GALNT9: variants seen among roughly 807,000 people sequenced by gnomAD.
GALNT9 encodes GalNAc transferase 9.
Under a neutral mutation model 63.1 loss-of-function variants are expected in GALNT9, and 47 were observed. That is an observed-to-expected ratio of 0.75 (90% CI 0.59 to 0.95). The LOEUF is 0.95. GALNT9 is among the 40% of genes least tolerant of loss of function. The probability of loss-of-function intolerance (pLI) is 0.00; values close to 1 mark genes in which losing one functional copy is unlikely to be tolerated. For missense variants in GALNT9, 829 were observed against 874.8 expected (o/e 0.95, Z 0.66); for synonymous variants, 396 against 365.7 (o/e 1.08, Z -0.94).
At chr12:132,271,265 C>A (rs1879854795) in intron 2 of GALNT9, among the ~76,000 whole-genome samples, 1 of 151,570 alleles carries the variant, frequency 6.6e-6, no homozygotes. Context: ...TCACCCGTCA[C>A]TGCCAGGGCT....
intron 5 of GALNT9, among the ~76,000 whole-genome samples, chr12:132,251,415 C>T (rs1555238556): frequency 6.6e-6 from 1 of 152,178 alleles, no homozygotes; most frequent in Non-Finnish European, 1.5e-5. Context: ...TTGGGGGGCT[C>T]CCGGCATCCG....
intron 6 of GALNT9, among the ~76,000 whole-genome samples, chr12:132,240,987 A>G (rs2136900399): frequency 1.1e-4 from 13 of 117,826 alleles, no homozygotes; most frequent in African/African-American, 2.6e-4. Context: ...CACACGCCAC[A>G]CCCCCTTCCC....
At chr12:132,228,284 C>CGGCGTCCCTCTG (rs1877770894) in intron 6 of GALNT9, among the ~76,000 whole-genome samples, 1 of 151,986 alleles carries the variant, frequency 6.6e-6, no homozygotes, top group African/African-American at 2.4e-5. Context: ...CGTCCCTCCC[C>CGGCGTCCCTCTG]AGCGTCCCTC....
Position 132,319,428 on chromosome 12 carries a change from C to T in GALNT9, c.238+9538G>A, listed in dbSNP as rs982387987. Among the ~76,000 whole-genome samples the T allele has an allele frequency of 3.9e-5, 6 of 152,070 alleles. No homozygotes were observed. Among genetic ancestry groups the T allele is most frequent in the Admixed American group, 2.6e-4 (4 of 15,264 alleles). On this transcript the variant is annotated intron_variant, in intron 1 of 10. Transcript: ENST00000328957. This position sits in a 1 kb window ranked among gnomAD's most constrained non-coding sequence, Gnocchi z 5.2. The stretch of plus-strand genomic sequence containing the variant: ...CGGGCCTTTGGAGTAGAAGTTATGC[C>T]GTTTTCCTCAGCGTGACCCTGGCTC...
At position 132,319,728 on chromosome 12, in the gene GALNT9, G is replaced by A. The variant is rs1868692957; in HGVS notation, c.238+9238C>T. ...ACAGCTGTACCCGGCACAACACGCG[G>A]CCACAGGTCACCTCAGGTCGCCTCG... is the stretch of plus-strand genomic sequence containing the variant. On this transcript the variant is annotated intron_variant, in intron 1 of 10. Coordinates refer to ENST00000328957, the MANE Select transcript of GALNT9 (RefSeq NM_001122636.2). This position sits in a 1 kb window ranked among gnomAD's most constrained non-coding sequence, Gnocchi z 5.2. 6.6e-6 allele frequency among the ~76,000 whole-genome samples: 1 copy of A among 152,196 alleles called. No individual in the cohort carries two copies. Among genetic ancestry groups the A allele is most frequent in the Non-Finnish European group, 1.5e-5 (1 of 68,038 alleles).
At chr12:132,269,743 C>A (rs1879797438) in intron 2 of GALNT9, among the ~76,000 whole-genome samples, 2 of 152,224 alleles carry the variant, frequency 1.3e-5, no homozygotes, top group South Asian at 4.1e-4. Context: ...ACGCGTGGGG[C>A]CGGATCCCGG....
chr12:132,324,710 T>C (rs1249001680), intron 1 of GALNT9, among the ~76,000 whole-genome samples: 6 of 152,062 alleles, frequency 3.9e-5, no homozygotes, highest in Non-Finnish European at 8.8e-5. Context: ...AAGTGTTGGG[T>C]GGCCTGGCAT....
In GALNT9 at chr12:132,329,542, G is replaced by C. The variant is rs1593129773; in HGVS notation, c.-339C>G. ...GCGGGCGGCGCTCGGTGTCTGTGCC[G>C]GCTCCTGTCCTGCCCGCCCCGCAGC... On this transcript the variant is annotated 5_prime_UTR_variant, in exon 1 of 11. Coordinates refer to ENST00000328957, the MANE Select transcript of GALNT9 (RefSeq NM_001122636.2). Among the ~76,000 whole-genome samples, 2 of 147,236 alleles carry C rather than the reference G, an allele frequency of 1.4e-5. No individual in the cohort carries two copies. The highest frequency in any genetic ancestry group is 4.2e-4 in the South Asian group (2 of 4,790).
chr12:132,279,413 G>C lies in GALNT9; in HGVS notation c.419+6837C>G, dbSNP rs1209998708. 1 of 152,334 alleles carries C rather than the reference G, an allele frequency of 6.6e-6. No homozygotes were observed. The highest frequency in any genetic ancestry group is 1.5e-5 in the Non-Finnish European group (1 of 68,186). The allele number at this position is 152,334 out of a possible 1,614,324, so 9.4% of individuals were successfully genotyped here. On this transcript the variant is annotated intron_variant, in intron 2 of 10. Coordinates refer to ENST00000328957, the MANE Select transcript of GALNT9 (RefSeq NM_001122636.2). The surrounding 1 kb of genome is among the most constrained non-coding windows in gnomAD (Gnocchi z 4.1). Reference sequence around the variant, plus strand: ...TGGAGCGTGAGGACAGAGCTGGGCCGGTTCCTCCCTGGGATCTCCCCTCCC... The same window carrying C: ...TGGAGCGTGAGGACAGAGCTGGGCCCGTTCCTCCCTGGGATCTCCCCTCCC...
chr12:132,197,656 A>T, intron 10 of GALNT9, 136 bp downstream of exon 10: 1 of 678,170 alleles, frequency 1.5e-6, no homozygotes, highest in Non-Finnish European at 2.5e-6. Context: ...AGCTGATCCA[A>T]GGCCCGGTCC....
At chr12:132,226,830 CCA>C (rs1370443069) in intron 6 of GALNT9, among the ~76,000 whole-genome samples, 1 of 148,900 alleles carries the variant, frequency 6.7e-6, no homozygotes, top group South Asian at 2.2e-4. Context: ...TAAACACACC[CCA>C]CACACACCAT....
intron 1 of GALNT9, among the ~76,000 whole-genome samples, chr12:132,317,849 C>T (rs139933485): frequency 2.4e-4 from 37 of 152,330 alleles, no homozygotes; most frequent in East Asian, 9.6e-4. Context: ...GGAAGATCCA[C>T]GGTCGACCTG....
At chr12:132,308,338 T>C (rs1881689390) in intron 1 of GALNT9, among the ~76,000 whole-genome samples, 1 of 152,222 alleles carries the variant, frequency 6.6e-6, no homozygotes, top group Non-Finnish European at 1.5e-5. Context: ...TGGTGAGCTG[T>C]GACAGCAGCC....
At chr12:132,306,834 C>T (rs782016755) in intron 1 of GALNT9, among the ~76,000 whole-genome samples, 18 of 152,314 alleles carry the variant, frequency 1.2e-4, no homozygotes, top group Middle Eastern at 3.4e-3. Context: ...GCCGCGTGCC[C>T]GTGGTCATTC....
chr12:132,320,697 C>T (rs1868744092), intron 1 of GALNT9, among the ~76,000 whole-genome samples: 3 of 109,480 alleles, frequency 2.7e-5, no homozygotes, highest in Admixed American at 2.7e-4. Flanking sequence ...TTCTCTCCAA[C>T]TCCATGTCCC....
intron 2 of GALNT9, chr12:132,283,195 CAG>C (rs1247271498): frequency 1.3e-5 from 2 of 152,424 alleles, no homozygotes; most frequent in African/African-American, 4.8e-5. Flanking sequence ...GAGGACTCCA[CAG>C]GGGACCGAGG....
intron 2 of GALNT9, among the ~76,000 whole-genome samples, chr12:132,264,770 G>A (rs890316318): frequency 2.0e-5 from 3 of 152,216 alleles, no homozygotes; most frequent in Non-Finnish European, 4.4e-5. Context: ...GCTCCACCGC[G>A]TCATGCTGGA....
chr12:132,316,008 A>G lies in GALNT9; in HGVS notation c.238+12958T>C, dbSNP rs1868491540. On this transcript the variant is annotated intron_variant, in intron 1 of 10. Coordinates refer to ENST00000328957, the MANE Select transcript of GALNT9 (RefSeq NM_001122636.2). The surrounding 1 kb of genome is among the most constrained non-coding windows in gnomAD (Gnocchi z 4.3). Reference sequence around the variant, plus strand: ...GGGGACGCGGGGTCCTGGAGAGGGCACGGCAGGCAGGCAGCCCCCGAAACG... The same window carrying G: ...GGGGACGCGGGGTCCTGGAGAGGGCGCGGCAGGCAGGCAGCCCCCGAAACG... Among the ~76,000 whole-genome samples, 1 of 152,152 alleles carries G rather than the reference A, an allele frequency of 6.6e-6. No homozygotes were observed. Among genetic ancestry groups the G allele is most frequent in the Admixed American group, 6.5e-5 (1 of 15,284 alleles).
At chr12:132,217,093 A>G (rs1305671486) in intron 6 of GALNT9, among the ~76,000 whole-genome samples, 3 of 152,180 alleles carry the variant, frequency 2.0e-5, no homozygotes, top group Non-Finnish European at 4.4e-5. Context: ...CCTTGGATAC[A>G]GTAACTGATA....
Sources: gnomAD v4.1 joint callset for allele counts (sites outside exome capture counted in the v4.1 genomes callset) on GRCh38, gnomAD v4.1.1 for gene constraint, Gnocchi (gnomAD v3.1) non-coding constraint, MANE v1.5 for transcripts, NCBI Gene and HGNC (gene_info 2026-07-23, HGNC 2026-07-21) for gene names.